TENM2: variants seen among roughly 807,000 people sequenced by gnomAD.
The protein encoded by TENM2 is teneurin transmembrane protein 2.
In TENM2, 52 loss-of-function variants were observed where a neutral mutation model predicts 245.2. The observed-to-expected ratio is 0.21, with a 90% CI of 0.17 to 0.27. The LOEUF (loss-of-function observed/expected upper bound fraction) is 0.27, where lower values mean the gene tolerates loss of function less well. TENM2 is among the 10% of genes least tolerant of loss of function. The probability of loss-of-function intolerance (pLI) is 1.00; values close to 1 mark genes in which losing one functional copy is unlikely to be tolerated. For synonymous variants in TENM2, 1,363 were observed against 1,438.9 expected, an observed-to-expected ratio of 0.95 and a Z score of 1.19; for missense variants, 3,046 against 3,666.8, an observed-to-expected ratio of 0.83 and a Z score of 4.37.
chr5:167,834,902 G>A (rs997325137), intron 2 of TENM2, among the ~76,000 whole-genome samples: 5 of 152,042 alleles, frequency 3.3e-5, no homozygotes, highest in Admixed American at 1.3e-4. Flanking sequence ...CGCCCGCCTC[G>A]GCCTCCCAAA....
At chr5:168,049,959 C>T (rs137857893) in intron 6 of TENM2, among the ~76,000 whole-genome samples, 16 of 152,138 alleles carry the variant, frequency 1.1e-4, no homozygotes, top group East Asian at 3.9e-4. Context: ...TGTGCCACCA[C>T]GCCTGGCTAA....
intron 1 of TENM2, among the ~76,000 whole-genome samples, chr5:167,321,801 TGG>T (rs1343498230): frequency 1.4e-4 from 1 of 7,282 alleles, no homozygotes; most frequent in African/African-American, 5.2e-4. Flanking sequence ...TTTTTTTTTT[TGG>T]GGGGGGGGGC....
chr5:167,556,644 TA>T (rs1773277858), intron 2 of TENM2, among the ~76,000 whole-genome samples: 1 of 152,162 alleles, frequency 6.6e-6, no homozygotes, highest in African/African-American at 2.4e-5. Flanking sequence ...GATAGTTCTC[TA>T]GCCACCATAG....
intron 5 of TENM2, among the ~76,000 whole-genome samples, chr5:168,023,909 T>C (rs1238355561): frequency 6.6e-6 from 1 of 152,172 alleles, no homozygotes; most frequent in Non-Finnish European, 1.5e-5. Context: ...AGCAGTTTGA[T>C]CTCTCTGCTT....
chr5:167,077,132 G>A, the TENM2 span, among the ~76,000 whole-genome samples: 1 of 152,044 alleles, frequency 6.6e-6, no homozygotes, highest in South Asian at 2.1e-4. Flanking sequence ...GGCCTGAACT[G>A]TTTTTTAAAC....
At chr5:167,377,055 C>A (rs1760792336) in intron 2 of TENM2, among the ~76,000 whole-genome samples, 1 of 152,004 alleles carries the variant, frequency 6.6e-6, no homozygotes, top group Non-Finnish European at 1.5e-5. Flanking sequence ...GCACCTTCTC[C>A]CATTTAAGTT....
chr5:167,461,530 C>T (rs377297497), intron 2 of TENM2, among the ~76,000 whole-genome samples: 5 of 152,182 alleles, frequency 3.3e-5, no homozygotes, highest in African/African-American at 9.6e-5. Flanking sequence ...GGTTACCTCC[C>T]GGCAGTCTTT....
At chr5:167,414,773 A>T (rs573652980) in intron 2 of TENM2, among the ~76,000 whole-genome samples, 132 of 152,316 alleles carry the variant, frequency 8.7e-4, no homozygotes, top group South Asian at 1.9e-3. Context: ...GTCGATTTCC[A>T]GCACTCACAC....
chr5:167,719,524 C>T (rs1465658070), intron 2 of TENM2, among the ~76,000 whole-genome samples: 1 of 152,188 alleles, frequency 6.6e-6, no homozygotes, highest in Non-Finnish European at 1.5e-5. Flanking sequence ...AGGTGAAGTG[C>T]ATGTTTGATG....
intron 4 of TENM2, among the ~76,000 whole-genome samples, chr5:167,972,676 C>T (rs574407589): frequency 2.6e-5 from 4 of 152,192 alleles, no homozygotes; most frequent in South Asian, 2.1e-4. Context: ...TCAAATGTTA[C>T]GATCTCTCTT....
chr5:167,808,917 T>G (rs58440562), intron 2 of TENM2, among the ~76,000 whole-genome samples: 2 of 152,136 alleles, frequency 1.3e-5, no homozygotes, highest in African/African-American at 4.8e-5. Context: ...ATGCACTCAT[T>G]TGCAAGATGT....
At chr5:167,080,747 A>G in the TENM2 span, among the ~76,000 whole-genome samples, 1,990 of 152,320 alleles carry the variant, frequency 0.013, 41 homozygotes, top group African/African-American at 0.045. Context: ...GAAGTGCTGT[A>G]TATTCCTGAA....
chr5:167,961,266 G>C (rs1197837080), intron 4 of TENM2, among the ~76,000 whole-genome samples: 1 of 152,194 alleles, frequency 6.6e-6, no homozygotes, highest in Admixed American at 6.5e-5. Context: ...TTAAACTTCT[G>C]CCCTGATATG....
chr5:167,417,166 A>G (rs942145246), intron 2 of TENM2, among the ~76,000 whole-genome samples: 2 of 152,192 alleles, frequency 1.3e-5, no homozygotes, highest in Non-Finnish European at 2.9e-5. Context: ...AGGTAATAGA[A>G]GGGTGTCTGT....
chr5:168,218,732 T>C lies in TENM2; in HGVS notation c.4841T>C (p.Leu1614Ser). The change falls in exon 23 of 29, where the codon TTG becomes TCG. Residue 1614 changes from leucine (L) to serine (S), a missense_variant. By Grantham distance (145) the Leu-to-Ser change is moderately radical (BLOSUM62 -2). This residue lies in a region of TENM2 where 2,704 missense variants were observed against 3,331.9 expected (regional missense o/e 0.81). Transcript: ENST00000518659. The surrounding 1 kb of genome is among the most constrained non-coding windows in gnomAD (Gnocchi z 5.2). ...GTGAGCCTGGTGACAGGGGAGTACT[T>C]GTACAATTTCACATATAGTACTGAC... 2 of 1,614,036 alleles carry C rather than the reference T, an allele frequency of 1.2e-6. No individual in the cohort carries two copies. The highest frequency in any genetic ancestry group is 1.7e-6 in the Non-Finnish European group (2 of 1,179,906).
At chr5:167,114,279 C>A in the TENM2 span, among the ~76,000 whole-genome samples, 1 of 152,196 alleles carries the variant, frequency 6.6e-6, no homozygotes. Flanking sequence ...TTTCCCATAG[C>A]TATAAGTAGT....
At chr5:167,489,986 T>C (rs60934867) in intron 2 of TENM2, among the ~76,000 whole-genome samples, 5,132 of 152,238 alleles carry the variant, frequency 0.034, 300 homozygotes, top group African/African-American at 0.12. Flanking sequence ...TAAAGACTAC[T>C]ACCTACATAA....
chr5:167,011,830 C>T, the TENM2 span, among the ~76,000 whole-genome samples: 8 of 152,270 alleles, frequency 5.3e-5, no homozygotes, highest in South Asian at 8.3e-4. Flanking sequence ...AGATTTATGT[C>T]GCAGGACATG....
rs199581333 is a variant in TENM2 at position 167,515,660 on chromosome 5, CGT to C, written c.502+140188_502+140189del. ...ATATGTATATATATACACATATATA[CGT>C]ATATATGTGTATATATATTTTGAGA... On this transcript the variant is annotated intron_variant, in intron 2 of 28. Coordinates refer to ENST00000518659, the Ensembl canonical transcript of TENM2. 2.1e-3 allele frequency among the ~76,000 whole-genome samples: 180 copies of C among 86,668 alleles called. 1 individual carries two copies. The highest frequency in any genetic ancestry group is 7.8e-3 in the African/African-American group (167 of 21,372). 56.9% of individuals were successfully genotyped at this position (86,668 alleles called of 152,430 possible).
Sources: gnomAD v4.1 joint callset for allele counts (sites outside exome capture counted in the v4.1 genomes callset) on GRCh38, gnomAD v4.1.1 for gene constraint, gnomAD v4.1.1 regional missense constraint, Gnocchi (gnomAD v3.1) non-coding constraint, MANE v1.5 for transcripts, NCBI Gene and HGNC (gene_info 2026-07-23, HGNC 2026-07-21) for gene names.